GRIP1: variants seen among roughly 807,000 people sequenced by gnomAD.
GRIP1 encodes the protein glutamate receptor-interacting protein 1.
A neutral mutation model predicts 129.9 loss-of-function variants in GRIP1; 45 were observed. The ratio of observed to expected loss-of-function variants is 0.35; its 90% CI spans 0.27 to 0.44. The LOEUF (loss-of-function observed/expected upper bound fraction) is 0.44. Among genes scored for constraint, GRIP1 ranks in the 20% least tolerant of loss-of-function variants. The probability of loss-of-function intolerance (pLI) is 1.00; values close to 1 mark genes in which losing one functional copy is unlikely to be tolerated. For missense variants in GRIP1, 1,196 were observed against 1,396.8 expected (o/e 0.86, Z 2.29); for synonymous variants, 530 against 520.8 (o/e 1.02, Z -0.24).
At chr12:66,644,025 G>T (rs1287900113) in intron 1 of GRIP1, among the ~76,000 whole-genome samples, 1 of 152,154 alleles carries the variant, frequency 6.6e-6, no homozygotes, top group Non-Finnish European at 1.5e-5. Context: ...ATCATGGTGG[G>T]AGGCGAAAGG....
chr12:66,677,689 G>A (rs1592733629), intron 1 of GRIP1, among the ~76,000 whole-genome samples: 2 of 152,096 alleles, frequency 1.3e-5, no homozygotes, highest in Non-Finnish European at 1.5e-5. Context: ...AAATGCATTC[G>A]GTAAGTTGGT....
At chr12:66,815,854 T>TTCTTTCTTTCTTTCTCTCTCTCTC (rs1555241802) in intron 1 of GRIP1, among the ~76,000 whole-genome samples, 2 of 116,830 alleles carry the variant, frequency 1.7e-5, no homozygotes, top group African/African-American at 3.2e-5. Context: ...CTTTCTTTCT[T>TTCTTTCTTTCTTTCTCTCTCTCTC]TCTCTCTCTC....
At chr12:66,747,755 AG>A (rs1305564253) in intron 1 of GRIP1, among the ~76,000 whole-genome samples, 1 of 152,076 alleles carries the variant, frequency 6.6e-6, no homozygotes, top group Non-Finnish European at 1.5e-5. Flanking sequence ...TTTTTCCCCC[AG>A]GGTTGTCTTG....
intron 1 of GRIP1, among the ~76,000 whole-genome samples, chr12:67,033,468 A>G (rs1047655398): frequency 2.0e-5 from 3 of 152,086 alleles, no homozygotes; most frequent in Non-Finnish European, 2.9e-5. Context: ...GTGTACAAAA[A>G]CAAAGTAATG....
chr12:66,520,816 T>C (rs1235669398), intron 5 of GRIP1, among the ~76,000 whole-genome samples: 1 of 152,252 alleles, frequency 6.6e-6, no homozygotes, highest in Non-Finnish European at 1.5e-5. Flanking sequence ...ACAGTCACTA[T>C]CAATGAATAT....
At chr12:66,745,113 T>C (rs1390115921) in intron 1 of GRIP1, among the ~76,000 whole-genome samples, 1 of 151,662 alleles carries the variant, frequency 6.6e-6, no homozygotes, top group Non-Finnish European at 1.5e-5. Context: ...GAGATTTCTA[T>C]GGCTCCCTGG....
chr12:66,735,507 T>A (rs2036566274), intron 1 of GRIP1, among the ~76,000 whole-genome samples: 1 of 152,130 alleles, frequency 6.6e-6, no homozygotes, highest in South Asian at 2.1e-4. Flanking sequence ...GACATAAATT[T>A]CTGACTCACT....
At chr12:66,928,888 T>A (rs2041340482) in intron 1 of GRIP1, among the ~76,000 whole-genome samples, 1 of 152,240 alleles carries the variant, frequency 6.6e-6, no homozygotes, top group Non-Finnish European at 1.5e-5. Context: ...TGACGTTTAC[T>A]GGGACACCAC....
At chr12:66,446,855 A>C (rs2058644303) in intron 11 of GRIP1, among the ~76,000 whole-genome samples, 1 of 152,310 alleles carries the variant, frequency 6.6e-6, no homozygotes. Context: ...CAAAATGAAT[A>C]GATCTTCAAG....
At chr12:66,967,158 GTGTT>G (rs1162753839) in intron 1 of GRIP1, among the ~76,000 whole-genome samples, 1 of 151,968 alleles carries the variant, frequency 6.6e-6, no homozygotes, top group Non-Finnish European at 1.5e-5. Context: ...ACAATTTTTT[GTGTT>G]TGTTTTTGTT....
intron 1 of GRIP1, among the ~76,000 whole-genome samples, chr12:66,731,165 G>A (rs773480059): frequency 5.3e-5 from 8 of 152,048 alleles, no homozygotes; most frequent in Non-Finnish European, 8.8e-5. Context: ...TTACTGGATT[G>A]CTAAAGAAGA....
intron 7 of GRIP1, among the ~76,000 whole-genome samples, chr12:66,470,524 A>G (rs79712123): frequency 0.018 from 2,659 of 151,846 alleles, 37 homozygotes; most frequent in Non-Finnish European, 0.029. Flanking sequence ...CAACCTACCC[A>G]TTATACACTT....
intron 1 of GRIP1, among the ~76,000 whole-genome samples, chr12:66,844,678 A>G (rs2039781559): frequency 6.6e-6 from 1 of 152,222 alleles, no homozygotes; most frequent in African/African-American, 2.4e-5. Flanking sequence ...CATTATTCAC[A>G]ATGGCCAAAA....
chr12:66,711,916 G>T (rs1254202744), intron 1 of GRIP1, among the ~76,000 whole-genome samples: 1 of 151,836 alleles, frequency 6.6e-6, no homozygotes, highest in Non-Finnish European at 1.5e-5. Context: ...GGTACGAAAA[G>T]AATCTCAAAT....
chr12:66,494,035 T>C (rs192908149), intron 7 of GRIP1, among the ~76,000 whole-genome samples: 3 of 152,276 alleles, frequency 2.0e-5, no homozygotes, highest in Admixed American at 6.5e-5. Flanking sequence ...TATGCCTCAC[T>C]CCCTTAGGCT....
At chr12:66,387,715 A>C (rs2056414556) in intron 19 of GRIP1, among the ~76,000 whole-genome samples, 1 of 152,234 alleles carries the variant, frequency 6.6e-6, no homozygotes, top group African/African-American at 2.4e-5. Context: ...GCAGAAATAT[A>C]AGAACTCTAG....
intron 1 of GRIP1, among the ~76,000 whole-genome samples, chr12:66,969,560 G>C (rs2042042992): frequency 6.6e-6 from 1 of 151,924 alleles, no homozygotes; most frequent in Admixed American, 6.6e-5. Flanking sequence ...GGGACCACGG[G>C]CATATGCCAC....
chr12:66,413,496 C>T (rs1361330446), intron 15 of GRIP1, among the ~76,000 whole-genome samples: 1 of 152,174 alleles, frequency 6.6e-6, no homozygotes, highest in Non-Finnish European at 1.5e-5. Context: ...CATGGATTTA[C>T]AGCTGAATTC....
chr12:66,758,333 C>T (rs2037363580), intron 1 of GRIP1, among the ~76,000 whole-genome samples: 2 of 152,152 alleles, frequency 1.3e-5, no homozygotes, highest in African/African-American at 4.8e-5. Context: ...GACTTATTCA[C>T]TATCACAAGA....
Sources: allele counts gnomAD v4.1 joint callset (sites outside exome capture counted in the v4.1 genomes callset), GRCh38; gene constraint gnomAD v4.1.1; transcripts MANE v1.5; gene names NCBI Gene and HGNC (gene_info 2026-07-23, HGNC 2026-07-21).